STXBP5L: variants seen among roughly 807,000 people sequenced by gnomAD.
The protein encoded by STXBP5L is syntaxin binding protein 5L.
STXBP5L carries 65 observed loss-of-function variants against 144.5 expected under a neutral mutation model. That is an observed-to-expected ratio of 0.45 (90% CI 0.37 to 0.55). The LOEUF is 0.55. Ranked by LOEUF, STXBP5L falls within the 20% of genes least tolerant of loss-of-function variation. The probability of loss-of-function intolerance (pLI) is 0.00; values close to 1 mark genes in which losing one functional copy is unlikely to be tolerated. For missense variants in STXBP5L, 1,298 were observed against 1,405.5 expected (o/e 0.92, Z 1.22); for synonymous variants, 505 against 469.6 (o/e 1.08, Z -0.97).
intron 20 of STXBP5L, among the ~76,000 whole-genome samples, chr3:121,331,023 G>C (rs1201173365): frequency 6.6e-6 from 1 of 152,180 alleles, no homozygotes; most frequent in Non-Finnish European, 1.5e-5. Flanking sequence ...CTGAAGCGTG[G>C]CAGCCCCACA....
Position 121,013,537 on chromosome 3 carries a change from GTTAT to G in STXBP5L, c.288-28160_288-28157del, listed in dbSNP as rs1457755248. ...ATGATCTTTGCCCACTTTCAACGGA[GTTAT>G]TTGTTTCTTATAGGTTTTGGGTATT... On this transcript the variant is annotated intron_variant, in intron 3 of 26. Transcript: ENST00000471454. 1.3e-5 allele frequency among the ~76,000 whole-genome samples: 2 copies of G among 151,546 alleles called. 1 individual carries two copies. Among genetic ancestry groups the G allele is most frequent in the Non-Finnish European group, 3.0e-5 (2 of 67,600 alleles).
chr3:121,151,049 T>A (rs1180254181), intron 7 of STXBP5L, among the ~76,000 whole-genome samples: 16 of 151,934 alleles, frequency 1.1e-4, no homozygotes, highest in Admixed American at 1.0e-3. Flanking sequence ...ATTGTGCCAC[T>A]GCACTCCACC....
intron 5 of STXBP5L, among the ~76,000 whole-genome samples, chr3:121,075,772 T>G (rs2041993842): frequency 6.6e-6 from 1 of 152,218 alleles, no homozygotes; most frequent in African/African-American, 2.4e-5. Context: ...CTCCAAACTT[T>G]GTAGCCCTTG....
chr3:120,967,388 C>T (rs773791817), intron 3 of STXBP5L, among the ~76,000 whole-genome samples: 2 of 152,170 alleles, frequency 1.3e-5, no homozygotes, highest in Non-Finnish European at 1.5e-5. Context: ...GTCAATCACA[C>T]TGGGAGCTGC....
intron 20 of STXBP5L, among the ~76,000 whole-genome samples, chr3:121,363,540 C>T (rs2045776662): frequency 6.6e-6 from 1 of 152,106 alleles, no homozygotes; most frequent in African/African-American, 2.4e-5. Context: ...CAGGACAGCA[C>T]TGATTTCAGT....
intron 19 of STXBP5L, among the ~76,000 whole-genome samples, chr3:121,310,844 G>A (rs906495400): frequency 8.6e-5 from 13 of 152,002 alleles, no homozygotes; most frequent in African/African-American, 2.7e-4. Context: ...GGGAGGTGAA[G>A]GTTGCAGTGA....
intron 15 of STXBP5L, among the ~76,000 whole-genome samples, chr3:121,253,503 A>G (rs1324079023): frequency 2.0e-5 from 3 of 151,796 alleles, no homozygotes; most frequent in African/African-American, 4.8e-5. Context: ...ACCAGACTTC[A>G]GTCATCAAAA....
rs1198300799 is a variant in STXBP5L, at chr3:121,413,179, G to A, written c.2970G>A (p.Met990Ile). Residue 990 changes from methionine (M) to isoleucine (I), a missense_variant, in exon 24 of 27, where the codon ATG (methionine) becomes ATA (isoleucine). Transcript: ENST00000471454. ...TCAGCCTACCTAGTCTTCGCCCAAT[G>A]TTGGATGTTAATTATTTGCCACTGA... is the stretch of plus-strand genomic sequence containing the variant. ...MIMSLPSLRP[M>I]LDVNYLPLTD... 1 of 1,602,290 alleles carries A rather than the reference G, an allele frequency of 6.2e-7. No homozygotes were observed. The highest frequency in any genetic ancestry group is 8.5e-7 in the Non-Finnish European group (1 of 1,176,020).
At chr3:121,277,780 A>G (rs1188554302) in intron 18 of STXBP5L, among the ~76,000 whole-genome samples, 2 of 151,674 alleles carry the variant, frequency 1.3e-5, no homozygotes, top group African/African-American at 2.4e-5. Context: ...AGTTACTTGG[A>G]ATCTGTAGCT....
chr3:121,097,008 G>A (rs1479154872), intron 5 of STXBP5L, among the ~76,000 whole-genome samples: 2 of 152,198 alleles, frequency 1.3e-5, no homozygotes, highest in Admixed American at 6.5e-5. Context: ...TGTCCCTTAT[G>A]GGGGCTGCTG....
At chr3:120,965,287 T>C (rs994717416) in intron 3 of STXBP5L, among the ~76,000 whole-genome samples, 2 of 152,194 alleles carry the variant, frequency 1.3e-5, no homozygotes, top group Admixed American at 6.5e-5. Flanking sequence ...ACATTTAAGG[T>C]TAATACTGTT....
intron 3 of STXBP5L, among the ~76,000 whole-genome samples, chr3:120,962,604 TC>T (rs1938985838): frequency 6.6e-6 from 1 of 152,186 alleles, no homozygotes; most frequent in Non-Finnish European, 1.5e-5. Context: ...TGGCATTATT[TC>T]TGAGGGCTCT....
rs1354433619 is a variant in STXBP5L at position 121,157,607 on chromosome 3, T to G, written c.857T>G (p.Phe286Cys). The G allele has an allele frequency of 6.2e-7, 1 of 1,602,450 alleles. No homozygotes were observed. The highest frequency in any genetic ancestry group is 2.3e-5 in the East Asian group (1 of 43,968). Residue 286 changes from phenylalanine (F) to cysteine (C), a missense_variant, in exon 9 of 27, where the codon TTC becomes TGC. By Grantham distance (205) the Phe-to-Cys change is radical. Transcript: ENST00000471454. ...AACCTGAAAAGCCCAAGTCGCCCTT[T>G]CCAGACCACAATTCCACATGGTAAG... ...LWNLKSPSRP[F>C]QTTIPHGKSQ...
In STXBP5L at chr3:121,164,615, T is replaced by C. The variant is rs566679691; in HGVS notation, c.877+6988T>C. Among the ~76,000 whole-genome samples the C allele has an allele frequency of 3.3e-5, 5 of 152,272 alleles. No homozygotes were observed. In the East Asian group the frequency reaches 9.6e-4, roughly 29 times the overall value. Reference sequence around the variant, plus strand: ...CCCATGTTCATGACAATATTCACAATAGCCAAGATATGGAAACAGCCTAAG... The same window carrying C: ...CCCATGTTCATGACAATATTCACAACAGCCAAGATATGGAAACAGCCTAAG... On this transcript the variant is annotated intron_variant, in intron 9 of 26. Coordinates refer to ENST00000471454, the MANE Select transcript of STXBP5L (RefSeq NM_001308330.2).
chr3:121,396,509 A>G (rs1470060745), intron 22 of STXBP5L, among the ~76,000 whole-genome samples: 2 of 152,240 alleles, frequency 1.3e-5, no homozygotes, highest in African/African-American at 4.8e-5. Flanking sequence ...GTGTCCACAC[A>G]TACATGTGCA....
intron 20 of STXBP5L, among the ~76,000 whole-genome samples, chr3:121,338,145 A>C (rs1304360634): frequency 6.6e-6 from 1 of 152,164 alleles, no homozygotes. Flanking sequence ...ACCTCAAGGA[A>C]CCAGAGAAGC....
Position 121,170,500 on chromosome 3 carries a change from T to C in STXBP5L, c.877+12873T>C, listed in dbSNP as rs961652992. On this transcript the variant is annotated intron_variant, in intron 9 of 26. Coordinates refer to ENST00000471454, the MANE Select transcript of STXBP5L (RefSeq NM_001308330.2). Reference sequence around the variant, plus strand: ...ATCAAATAGACACAATAAAAAATGATAAATTGTATATCACCACTGATCTCA... The same window carrying C: ...ATCAAATAGACACAATAAAAAATGACAAATTGTATATCACCACTGATCTCA... Among the ~76,000 whole-genome samples, 8 of 152,096 alleles carry C rather than the reference T, an allele frequency of 5.3e-5. No homozygotes were observed. In the South Asian group the frequency reaches 1.7e-3, roughly 32 times the overall value.
intron 3 of STXBP5L, among the ~76,000 whole-genome samples, chr3:121,025,583 A>G (rs995561764): frequency 1.3e-5 from 2 of 151,924 alleles, no homozygotes; most frequent in African/African-American, 4.8e-5. Context: ...CTTACACTTT[A>G]TTCACTTAAG....
intron 25 of STXBP5L, among the ~76,000 whole-genome samples, chr3:121,417,428 T>C (rs1411181807): frequency 6.6e-6 from 1 of 152,150 alleles, no homozygotes; most frequent in Non-Finnish European, 1.5e-5. Flanking sequence ...GAATTCTAAC[T>C]AAATTTCTGC....
Sources: gnomAD v4.1 joint callset for allele counts (sites outside exome capture counted in the v4.1 genomes callset) on GRCh38, gnomAD v4.1.1 for gene constraint, MANE v1.5 for transcripts, NCBI Gene and HGNC (gene_info 2026-07-23, HGNC 2026-07-21) for gene names.